Variants in XKR9 observed in about 807,000 individuals in gnomAD.
XKR9 encodes XK-related protein 9.
In XKR9, 32 loss-of-function variants were observed where a neutral mutation model predicts 32.0. The observed-to-expected ratio is 1.00, with a 90% confidence interval of 0.76 to 1.34. The LOEUF (loss-of-function observed/expected upper bound fraction) is 1.34. Among genes scored for constraint, XKR9 ranks in the 40% most tolerant of loss-of-function variants. XKR9 has a pLI of 0.00. For synonymous variants in XKR9, 168 were observed against 143.4 expected (o/e 1.17, Z -1.22); for missense variants, 546 against 429.7 (o/e 1.27, Z -2.39).
chr8:70,732,890 G>T (rs951783700), intron 4 of XKR9, among the ~76,000 whole-genome samples: 1 of 152,196 alleles, frequency 6.6e-6, no homozygotes, highest in Non-Finnish European at 1.5e-5. Flanking sequence ...GGCTGAGCTG[G>T]GTGGATCAAT....
chr8:70,776,947 C>CTCTCTCTCTATATATATATATA lies in XKR9; in HGVS notation n.353-12391_353-12390insCTCTCTCTATATATATATATAT. Among the ~76,000 whole-genome samples the CTCTCTCTCTATATATATATATA allele has an allele frequency of 2.2e-3, 119 of 54,204 alleles. 2 individuals carry two copies. Among genetic ancestry groups the CTCTCTCTCTATATATATATATA allele is most frequent in the African/African-American group, 7.1e-3 (90 of 12,600 alleles). 35.6% of individuals were successfully genotyped at this position (54,204 alleles called of 152,430 possible). A position where few individuals can be genotyped will look rare whatever the true frequency, so the allele number is the denominator to read the frequency against. The stretch of plus-strand genomic sequence containing the variant: ...TTTCTCTCTCTCTCTCTCTCTCTCT[C>CTCTCTCTCTATATATATATATA]TATATATATATATATATGTATGTAT... On this transcript the variant is annotated intron_variant and non_coding_transcript_variant, in intron 2 of 3. Coordinates refer to the XKR9 transcript ENST00000520273.
chr8:71,003,431 C>T, the XKR9 span, among the ~76,000 whole-genome samples: 21 of 152,208 alleles, frequency 1.4e-4, no homozygotes, highest in East Asian at 4.1e-3. Context: ...TCTTGGCTAA[C>T]ATTGTTTTCA....
chr8:70,721,301 T>G (rs1026665101), intron 4 of XKR9, among the ~76,000 whole-genome samples: 2 of 152,184 alleles, frequency 1.3e-5, no homozygotes, highest in East Asian at 3.8e-4. Flanking sequence ...CTCTATCTCC[T>G]TCAGTTCTGC....
At chr8:70,925,788 G>A in the XKR9 span, among the ~76,000 whole-genome samples, 3 of 152,154 alleles carry the variant, frequency 2.0e-5, no homozygotes, top group African/African-American at 7.2e-5. Context: ...TGATAAGATA[G>A]ACACACTTGT....
At chr8:71,006,931 C>T in the XKR9 span, among the ~76,000 whole-genome samples, 2 of 152,114 alleles carry the variant, frequency 1.3e-5, no homozygotes, top group Non-Finnish European at 2.9e-5. Context: ...AGTTTGGTGA[C>T]AAGTGGATGT....
the XKR9 span, among the ~76,000 whole-genome samples, chr8:71,053,863 C>A: frequency 6.7e-6 from 1 of 150,274 alleles, no homozygotes; most frequent in African/African-American, 2.5e-5. Flanking sequence ...TATGCTTCTC[C>A]TCTCTTAGAA....
the XKR9 span, among the ~76,000 whole-genome samples, chr8:70,977,480 A>G: frequency 6.6e-6 from 1 of 152,098 alleles, no homozygotes; most frequent in Non-Finnish European, 1.5e-5. Flanking sequence ...GAAAATGTTT[A>G]TTTCGTTATT....
the XKR9 span, among the ~76,000 whole-genome samples, chr8:71,034,247 C>T: frequency 6.6e-6 from 1 of 152,178 alleles, no homozygotes; most frequent in Non-Finnish European, 1.5e-5. Context: ...ATGCTGTTCT[C>T]ATGATAGTGA....
the XKR9 span, among the ~76,000 whole-genome samples, chr8:71,058,315 T>C: frequency 6.6e-6 from 1 of 152,238 alleles, no homozygotes; most frequent in Non-Finnish European, 1.5e-5. Flanking sequence ...TTTGCAGAGC[T>C]GAGCCTAGCT....
intron 3 of XKR9, among the ~76,000 whole-genome samples, chr8:70,695,025 C>G (rs1054075397): frequency 6.6e-6 from 1 of 152,046 alleles, no homozygotes; most frequent in Non-Finnish European, 1.5e-5. Context: ...GTGGGAGAAG[C>G]ATGATTTCCC....
At chr8:70,825,226 C>G in the XKR9 span, among the ~76,000 whole-genome samples, 1 of 152,184 alleles carries the variant, frequency 6.6e-6, no homozygotes, top group South Asian at 2.1e-4. Context: ...ACCTACTGAT[C>G]ATATACTTAG....
the XKR9 span, among the ~76,000 whole-genome samples, chr8:71,050,274 GAT>G: frequency 1.6e-3 from 88 of 54,392 alleles, no homozygotes; most frequent in East Asian, 5.7e-3. Flanking sequence ...TAGATAGATA[GAT>G]ATAGATATAG....
intron 3 of XKR9, among the ~76,000 whole-genome samples, chr8:70,701,503 G>A (rs1805533946): frequency 6.6e-6 from 1 of 152,016 alleles, no homozygotes; most frequent in Non-Finnish European, 1.5e-5. Context: ...CAGCCATCTT[G>A]GCCACTTCAC....
chr8:70,691,791 T>C (rs889929048), intron 3 of XKR9, among the ~76,000 whole-genome samples: 1 of 152,220 alleles, frequency 6.6e-6, no homozygotes, highest in Non-Finnish European at 1.5e-5. Context: ...TTTGTACTGG[T>C]ACCATATTGT....
At chr8:70,788,657 G>A (rs1807723455) in intron 2 of XKR9, among the ~76,000 whole-genome samples, 1 of 152,072 alleles carries the variant, frequency 6.6e-6, no homozygotes, top group Admixed American at 6.6e-5. Flanking sequence ...GATTTATGAA[G>A]CCATACTTCA....
intron 4 of XKR9, among the ~76,000 whole-genome samples, chr8:70,730,753 G>A (rs1806637169): frequency 6.6e-6 from 1 of 152,168 alleles, no homozygotes; most frequent in South Asian, 2.1e-4. Flanking sequence ...AATCTGGACT[G>A]CCATTGTCAA....
intron 2 of XKR9, among the ~76,000 whole-genome samples, chr8:70,744,379 C>G (rs992014216): frequency 6.6e-6 from 1 of 152,024 alleles, no homozygotes; most frequent in African/African-American, 2.4e-5. Context: ...ATTTAGTTCT[C>G]TCTCATCCCT....
chr8:71,006,282 G>A, the XKR9 span, among the ~76,000 whole-genome samples: 5 of 152,158 alleles, frequency 3.3e-5, no homozygotes, highest in African/African-American at 9.7e-5. Flanking sequence ...CTTTGAATGC[G>A]ACTCAATACA....
downstream of XKR9, among the ~76,000 whole-genome samples, chr8:70,794,823 T>TTCTG (rs1554558708): frequency 6.8e-6 from 1 of 147,586 alleles, no homozygotes; most frequent in Admixed American, 6.8e-5. Context: ...TAGTCTTCTT[T>TTCTG]TGTGTGTGTG....
Sources: allele counts gnomAD v4.1 joint callset (sites outside exome capture counted in the v4.1 genomes callset), GRCh38; gene constraint gnomAD v4.1.1; transcripts MANE v1.5; gene names NCBI Gene and HGNC (gene_info 2026-07-23, HGNC 2026-07-21).